The following ADAMTS12 variants were observed in gnomAD, a reference collection of about 807,000 sequenced individuals.
ADAMTS12 encodes the protein ADAM metallopeptidase with thrombospondin type 1 motif 12, also known as A disintegrin and metalloproteinase with thrombospondin motifs 12.
In ADAMTS12, 118 loss-of-function variants were observed where a neutral mutation model predicts 167.8. The observed-to-expected ratio is 0.70, with a 90% CI of 0.61 to 0.82. The LOEUF (loss-of-function observed/expected upper bound fraction) is 0.82. Ranked by LOEUF, ADAMTS12 falls within the 40% of genes least tolerant of loss-of-function variation. The probability of loss-of-function intolerance (pLI) is 0.00; values close to 1 mark genes in which losing one functional copy is unlikely to be tolerated. For missense variants in ADAMTS12, 1,916 were observed against 1,998.8 expected, an observed-to-expected ratio of 0.96 and a Z score of 0.79; for synonymous variants, 704 against 716.9, an observed-to-expected ratio of 0.98 and a Z score of 0.29.
At chr5:33,728,120 A>T (rs557014111) in intron 3 of ADAMTS12, among the ~76,000 whole-genome samples, 52 of 152,360 alleles carry the variant, frequency 3.4e-4, no homozygotes, top group Non-Finnish European at 7.2e-4. Flanking sequence ...ACTGTTGGAC[A>T]TCCTCATCTT....
chr5:33,859,900 C>T (rs773463925), intron 2 of ADAMTS12, among the ~76,000 whole-genome samples: 1 of 152,184 alleles, frequency 6.6e-6, no homozygotes, highest in Admixed American at 6.5e-5. Flanking sequence ...CAAACTGCAG[C>T]AGACCTGCAG....
chr5:33,585,389 A>C (rs1200144412), intron 18 of ADAMTS12, among the ~76,000 whole-genome samples: 3 of 152,188 alleles, frequency 2.0e-5, no homozygotes, highest in African/African-American at 7.2e-5. Context: ...TACAACTTCT[A>C]GTTCACCACT....
intron 2 of ADAMTS12, among the ~76,000 whole-genome samples, chr5:33,872,978 T>C (rs1329153427): frequency 1.3e-5 from 2 of 152,226 alleles, no homozygotes; most frequent in African/African-American, 2.4e-5. Context: ...TTCATACTTA[T>C]GAGAATCTAG....
Position 33,596,071 on chromosome 5 carries a change from G to C in ADAMTS12, c.2528-11C>G, listed in dbSNP as rs764670214. 4.3e-6 allele frequency: 7 copies of C among 1,613,668 alleles called. No homozygotes were observed. Among genetic ancestry groups the C allele is most frequent in the Non-Finnish European group, 5.9e-6 (7 of 1,179,808 alleles). On this transcript the variant is annotated splice_polypyrimidine_tract_variant and intron_variant, in intron 16 of 23. Transcript: ENST00000504830. ...TTTGGCGGCGGATACCTGGGGGTCA[G>C]ACAGAAAGATTCACACATATTGAAT...
rs530632119 is a variant in ADAMTS12 at position 33,860,677 on chromosome 5, C to T, written c.489+20442G>A. Among the ~76,000 whole-genome samples, 3 of 152,288 alleles carry T rather than the reference C, an allele frequency of 2.0e-5. No homozygotes were observed. The East Asian group carries it at 5.8e-4, about 29-fold the overall frequency. On this transcript the variant is annotated intron_variant, in intron 2 of 23. Coordinates refer to ENST00000504830, the MANE Select transcript of ADAMTS12 (RefSeq NM_030955.4). ...AAATACAGGGAATACCACAAAGATACTCCTTGAAAAGAGCAATCTCAAGAC... is the reference window on the plus strand; with the variant it reads ...AAATACAGGGAATACCACAAAGATATTCCTTGAAAAGAGCAATCTCAAGAC...
chr5:33,845,060 A>G (rs1748893973), intron 2 of ADAMTS12, among the ~76,000 whole-genome samples: 1 of 152,240 alleles, frequency 6.6e-6, no homozygotes, highest in Non-Finnish European at 1.5e-5. Context: ...ACATTAGTGT[A>G]AACCCATAAT....
chr5:33,875,405 G>A (rs2111752071), intron 2 of ADAMTS12, among the ~76,000 whole-genome samples: 1 of 152,272 alleles, frequency 6.6e-6, no homozygotes, highest in South Asian at 2.1e-4. Context: ...TTGAAAATGG[G>A]AGAAGCTATG....
chr5:33,807,843 G>A (rs755418542), intron 2 of ADAMTS12, among the ~76,000 whole-genome samples: 5 of 152,216 alleles, frequency 3.3e-5, no homozygotes, highest in Non-Finnish European at 7.3e-5. Context: ...AAAGAAGCAG[G>A]TGTGGAAGGA....
chr5:33,625,766 T>G (rs1739559349), intron 13 of ADAMTS12, among the ~76,000 whole-genome samples: 1 of 152,114 alleles, frequency 6.6e-6, no homozygotes, highest in African/African-American at 2.4e-5. Flanking sequence ...ATTAAATGGG[T>G]TCTTGCAGAG....
intron 2 of ADAMTS12, among the ~76,000 whole-genome samples, chr5:33,828,753 T>C (rs193180033): frequency 1.1e-4 from 17 of 152,262 alleles, no homozygotes; most frequent in African/African-American, 3.4e-4. Flanking sequence ...ATGAGAAATA[T>C]GTATGTGGTT....
chr5:33,654,251 C>T (rs759604252), intron 7 of ADAMTS12, among the ~76,000 whole-genome samples: 11 of 152,082 alleles, frequency 7.2e-5, no homozygotes, highest in Admixed American at 4.6e-4. Context: ...TCACCATGGC[C>T]GCTTTGAAAT....
At chr5:33,649,786 T>A in intron 7 of ADAMTS12, 89 bp from the exon 8 acceptor site, 1 of 1,517,700 alleles carries the variant, frequency 6.6e-7, no homozygotes, top group Non-Finnish European at 8.9e-7. Flanking sequence ...GCGTAATAAC[T>A]CACAGACAGC....
chr5:33,566,793 T>A (rs367749141), intron 19 of ADAMTS12, among the ~76,000 whole-genome samples: 1 of 152,300 alleles, frequency 6.6e-6, no homozygotes, highest in African/African-American at 2.4e-5. Flanking sequence ...GGTTTGGCCA[T>A]GAGACCTAGT....
At chr5:33,571,488 G>A (rs1303270907) in intron 19 of ADAMTS12, among the ~76,000 whole-genome samples, 9 of 152,076 alleles carry the variant, frequency 5.9e-5, no homozygotes, top group Admixed American at 4.6e-4. Flanking sequence ...ACCTGCTCCC[G>A]AATGACTACT....
intron 3 of ADAMTS12, among the ~76,000 whole-genome samples, chr5:33,740,442 G>A (rs1020891886): frequency 6.6e-6 from 1 of 152,180 alleles, no homozygotes; most frequent in African/African-American, 2.4e-5. Flanking sequence ...CCCCTTTGCT[G>A]AGGGGCCCAC....
intron 2 of ADAMTS12, among the ~76,000 whole-genome samples, chr5:33,853,166 A>C (rs1008695138): frequency 6.6e-6 from 1 of 152,200 alleles, no homozygotes. Context: ...AAAACTCCAC[A>C]CTAACAATCT....
chr5:33,574,766 G>C (rs948585340), intron 19 of ADAMTS12, among the ~76,000 whole-genome samples: 1 of 151,444 alleles, frequency 6.6e-6, no homozygotes, highest in Admixed American at 6.6e-5. Context: ...GAAAAAATGA[G>C]ACTACCTATG....
At chr5:33,582,391 A>C (rs944767024) in intron 18 of ADAMTS12, among the ~76,000 whole-genome samples, 3 of 152,182 alleles carry the variant, frequency 2.0e-5, no homozygotes, top group Admixed American at 1.3e-4. Context: ...GGGACTGGGG[A>C]ATCCAGAGGG....
In ADAMTS12 at chr5:33,637,562, A is replaced by T; in HGVS notation, c.1888+15T>A. 3 of 1,610,898 alleles carry T rather than the reference A, an allele frequency of 1.9e-6. No individual in the cohort carries two copies. ...CTGTTCCCTAGATCTGAGATACACC[A>T]TTACAGCTCCTTACCTGGGTTAAAA... is the stretch of plus-strand genomic sequence containing the variant. On this transcript the variant is annotated intron_variant, in intron 12 of 23. Coordinates refer to ENST00000504830, the MANE Select transcript of ADAMTS12 (RefSeq NM_030955.4).
Sources: allele counts gnomAD v4.1 joint callset (sites outside exome capture counted in the v4.1 genomes callset), GRCh38; gene constraint gnomAD v4.1.1; transcripts MANE v1.5; gene names NCBI Gene and HGNC (gene_info 2026-07-23, HGNC 2026-07-21).